Variants in DRC8 observed in about 807,000 individuals in gnomAD.
DRC8 encodes the protein dynein regulatory complex protein 8.
chr1:244,988,066 G>C, the DRC8 span, among the ~76,000 whole-genome samples: 1 of 152,102 alleles, frequency 6.6e-6, no homozygotes, highest in Non-Finnish European at 1.5e-5. Context: ...TTAACTTAGT[G>C]CAATATGTAG....
the DRC8 span, chr1:245,059,522 A>G: frequency 7.1e-7 from 1 of 1,403,434 alleles, no homozygotes; most frequent in Non-Finnish European, 9.8e-7. Context: ...CTTGTAATTA[A>G]AAACAATCCT....
At chr1:245,082,086 G>A in the DRC8 span, 1 of 1,607,640 alleles carries the variant, frequency 6.2e-7, no homozygotes, top group Non-Finnish European at 8.5e-7. Context: ...TGTTTAGGTA[G>A]AGGAAGAAGA....
At chr1:245,059,218 T>C in the DRC8 span, among the ~76,000 whole-genome samples, 1 of 152,250 alleles carries the variant, frequency 6.6e-6, no homozygotes, top group Non-Finnish European at 1.5e-5. Context: ...TTTCTTTGGT[T>C]CACTTATCCT....
At chr1:245,119,001 T>C in the DRC8 span, among the ~76,000 whole-genome samples, 6 of 152,202 alleles carry the variant, frequency 3.9e-5, no homozygotes, top group South Asian at 1.2e-3. Context: ...CTGTAGGGAA[T>C]TGGGCATTGT....
At chr1:245,096,004 A>T in the DRC8 span, among the ~76,000 whole-genome samples, 2 of 152,188 alleles carry the variant, frequency 1.3e-5, no homozygotes, top group Non-Finnish European at 2.9e-5. Flanking sequence ...TTTGCATTCC[A>T]TTGATAAGTG....
the DRC8 span, among the ~76,000 whole-genome samples, chr1:244,999,976 A>G: frequency 6.6e-6 from 1 of 151,950 alleles, no homozygotes; most frequent in African/African-American, 2.4e-5. Context: ...GTGCCACCAC[A>G]CTCAGCTAAT....
At chr1:245,037,548 C>A in the DRC8 span, among the ~76,000 whole-genome samples, 2 of 152,080 alleles carry the variant, frequency 1.3e-5, no homozygotes, top group East Asian at 3.8e-4. Flanking sequence ...ACAGCATTTT[C>A]ATTAATGTCA....
At chr1:245,098,142 G>A in the DRC8 span, among the ~76,000 whole-genome samples, 18,368 of 152,208 alleles carry the variant, frequency 0.12, 1,462 homozygotes, top group Middle Eastern at 0.26. Context: ...TGGATGGGAT[G>A]GAAGTAGAGA....
the DRC8 span, among the ~76,000 whole-genome samples, chr1:245,037,976 A>G: frequency 1.3e-5 from 2 of 152,148 alleles, no homozygotes; most frequent in Non-Finnish European, 1.5e-5. Flanking sequence ...GAAATATATA[A>G]AAATAGATGA....
the DRC8 span, among the ~76,000 whole-genome samples, chr1:245,077,001 A>G: frequency 6.6e-6 from 1 of 152,198 alleles, no homozygotes; most frequent in Non-Finnish European, 1.5e-5. Context: ...CTGGGATTAC[A>G]GGCGTGAAAT....
chr1:245,080,397 T>G, the DRC8 span, among the ~76,000 whole-genome samples: 1 of 152,224 alleles, frequency 6.6e-6, no homozygotes, highest in African/African-American at 2.4e-5. Flanking sequence ...TATAGTCTTC[T>G]AATTTAGTGG....
chr1:245,045,317 G>C, the DRC8 span, among the ~76,000 whole-genome samples: 39 of 152,110 alleles, frequency 2.6e-4, no homozygotes, highest in Non-Finnish European at 4.3e-4. Flanking sequence ...GTCACTGGTC[G>C]AGGGTTGTGA....
chr1:245,066,098 C>A, the DRC8 span, among the ~76,000 whole-genome samples: 1 of 152,076 alleles, frequency 6.6e-6, no homozygotes, highest in African/African-American at 2.4e-5. Flanking sequence ...TATTGCCACT[C>A]ATCCATCTAC....
At chr1:245,034,648 G>T in the DRC8 span, among the ~76,000 whole-genome samples, 4 of 139,140 alleles carry the variant, frequency 2.9e-5, no homozygotes, top group Admixed American at 2.2e-4. Context: ...TGGAAATGAT[G>T]TTAGAATCTA....
the DRC8 span, among the ~76,000 whole-genome samples, chr1:245,101,092 C>T: frequency 4.6e-5 from 7 of 152,074 alleles, no homozygotes; most frequent in Admixed American, 3.3e-4. Flanking sequence ...ACCATGTTGG[C>T]CAGGCTGGTC....
the DRC8 span, among the ~76,000 whole-genome samples, chr1:244,990,511 A>C: frequency 6.6e-6 from 1 of 152,006 alleles, no homozygotes; most frequent in African/African-American, 2.4e-5. Flanking sequence ...GACACATTGG[A>C]TGTTTATTTT....
At chr1:244,983,739 CAAAA>C in the DRC8 span, among the ~76,000 whole-genome samples, 11 of 100,990 alleles carry the variant, frequency 1.1e-4, no homozygotes, top group African/African-American at 2.0e-4. Flanking sequence ...GACTCTGTCT[CAAAA>C]AAAAAAAAAA....
At chr1:245,097,234 A>G in the DRC8 span, among the ~76,000 whole-genome samples, 1 of 152,166 alleles carries the variant, frequency 6.6e-6, no homozygotes, top group African/African-American at 2.4e-5. The surrounding 1 kb of genome is among the most constrained non-coding windows in gnomAD (Gnocchi z 5.0). Flanking sequence ...CAATTCTAGT[A>G]AACTGGTCGG....
the DRC8 span, among the ~76,000 whole-genome samples, chr1:245,008,793 C>T: frequency 2.0e-5 from 3 of 151,580 alleles, no homozygotes; most frequent in South Asian, 2.1e-4. Flanking sequence ...GTCAGCCTCC[C>T]GAGTAGTTGG....
Sources: gnomAD v4.1 joint callset for allele counts (sites outside exome capture counted in the v4.1 genomes callset) on GRCh38, gnomAD v4.1.1 for gene constraint, Gnocchi (gnomAD v3.1) non-coding constraint, MANE v1.5 for transcripts, NCBI Gene and HGNC (gene_info 2026-07-23, HGNC 2026-07-21) for gene names.